The following ATAD2B variants were observed in gnomAD, a reference collection of about 807,000 sequenced individuals.
ATAD2B encodes the protein ATPase family AAA domain containing 2B.
In ATAD2B, 40 loss-of-function variants were observed where a neutral mutation model predicts 167.6. The observed-to-expected ratio is 0.24, with a 90% CI of 0.19 to 0.31. The LOEUF is 0.31. ATAD2B is among the 10% of genes least tolerant of loss of function. The pLI is 1.00. For missense variants in ATAD2B, 1,242 were observed against 1,757.2 expected, an observed-to-expected ratio of 0.71 and a Z score of 5.24; for synonymous variants, 579 against 596.5, an observed-to-expected ratio of 0.97 and a Z score of 0.43.
intron 6 of ATAD2B, among the ~76,000 whole-genome samples, chr2:23,882,440 C>A (rs930830497): frequency 1.3e-5 from 2 of 150,410 alleles, no homozygotes; most frequent in Non-Finnish European, 3.0e-5. Context: ...AAGTGATCCA[C>A]CCGCCTCAGC....
At chr2:23,921,809 C>G (rs2150692784) in intron 1 of ATAD2B, among the ~76,000 whole-genome samples, 1 of 152,204 alleles carries the variant, frequency 6.6e-6, no homozygotes, top group East Asian at 1.9e-4. Flanking sequence ...ATATTGTACT[C>G]CATGTAAATC....
the ATAD2B span, among the ~76,000 whole-genome samples, chr2:23,709,655 G>A: frequency 9.9e-5 from 15 of 151,074 alleles, no homozygotes; most frequent in Non-Finnish European, 1.3e-4. Flanking sequence ...AAAAAAAATC[G>A]GAAGGTGGTG....
the ATAD2B span, chr2:23,695,889 C>T: frequency 6.5e-7 from 1 of 1,534,532 alleles, no homozygotes; most frequent in Admixed American, 2.0e-5. This position sits in a 1 kb window ranked among gnomAD's most constrained non-coding sequence, Gnocchi z 7.6. Context: ...CAGTGAGGTG[C>T]CAGGCACAGA....
intron 1 of ATAD2B, among the ~76,000 whole-genome samples, chr2:23,910,471 C>T (rs1288418558): frequency 1.3e-5 from 2 of 151,798 alleles, no homozygotes; most frequent in African/African-American, 4.8e-5. Flanking sequence ...AGCCACTGCG[C>T]CCGGCCTGCA....
At chr2:23,691,170 C>G in the ATAD2B span, 2,143 of 160,610 alleles carry the variant, frequency 0.013, 25 homozygotes, top group Middle Eastern at 0.037. Flanking sequence ...GGAGCGGGTT[C>G]TGGGGCAACT....
chr2:23,807,717 G>A (rs1202114668), intron 18 of ATAD2B, among the ~76,000 whole-genome samples: 1 of 150,772 alleles, frequency 6.6e-6, no homozygotes, highest in African/African-American at 2.4e-5. Context: ...TTGGGAGGCT[G>A]ACGCAGGAGA....
chr2:23,921,403 T>C (rs528883802), intron 1 of ATAD2B, among the ~76,000 whole-genome samples: 36 of 152,202 alleles, frequency 2.4e-4, no homozygotes, highest in African/African-American at 6.5e-4. Flanking sequence ...GTGCAAACAC[T>C]GGTTGGGCTT....
At chr2:23,767,849 T>A (rs1185105024) in intron 22 of ATAD2B, among the ~76,000 whole-genome samples, 2 of 146,702 alleles carry the variant, frequency 1.4e-5, no homozygotes, top group East Asian at 2.0e-4. Flanking sequence ...GCTTCTTGCA[T>A]AAAAAATGGG....
chr2:23,696,461 A>G, the ATAD2B span: 1 of 1,549,890 alleles, frequency 6.5e-7, no homozygotes, highest in Non-Finnish European at 8.7e-7. The surrounding 1 kb of genome is among the most constrained non-coding windows in gnomAD (Gnocchi z 5.5). Flanking sequence ...CGATGGGAAG[A>G]TTTACACCCT....
chr2:23,886,197 C>G (rs1198361290), intron 4 of ATAD2B, among the ~76,000 whole-genome samples: 3 of 152,104 alleles, frequency 2.0e-5, no homozygotes, highest in African/African-American at 7.2e-5. Flanking sequence ...TCATTCATCT[C>G]AGCCTCCCAA....
At chr2:23,790,922 T>C (rs994278220) in intron 19 of ATAD2B, among the ~76,000 whole-genome samples, 2 of 152,186 alleles carry the variant, frequency 1.3e-5, no homozygotes, top group African/African-American at 4.8e-5. Flanking sequence ...ACATTTCCAT[T>C]ACCCCAAAAA....
chr2:23,790,366 G>C lies in ATAD2B; in HGVS notation c.2641-1719C>G, dbSNP rs191124271. On this transcript the variant is annotated intron_variant, in intron 19 of 27. Coordinates refer to ENST00000238789, the MANE Select transcript of ATAD2B (RefSeq NM_017552.4). ...TACCAGAAATCACTTATATCAATTG[G>C]GTCTTGAAAAATAAGTAGAACTTAA... Among the ~76,000 whole-genome samples the C allele has an allele frequency of 2.0e-5, 3 of 152,108 alleles. No individual in the cohort carries two copies. The East Asian group carries it at 5.8e-4, about 29-fold the overall frequency.
chr2:23,760,523 T>G (rs1372518363), intron 24 of ATAD2B, among the ~76,000 whole-genome samples: 1 of 151,496 alleles, frequency 6.6e-6, no homozygotes, highest in Non-Finnish European at 1.5e-5. Flanking sequence ...ATGAGCCAGG[T>G]GTGCTGGCAG....
Position 23,751,901 on chromosome 2 carries a change from C to A in ATAD2B, c.*145G>T. ...TTTCAGGTACCTGAGACAATAGCAC[C>A]AAATTCAACAGAGAGAAAGAATGAG... On this transcript the variant is annotated 3_prime_UTR_variant, in exon 28 of 28. Transcript: ENST00000238789. 1.5e-6 allele frequency: 1 copy of A among 689,408 alleles called. No homozygotes were observed. The allele number at this position is 689,408 out of a possible 1,614,324, so 42.7% of individuals were successfully genotyped here. A position where few individuals can be genotyped will look rare whatever the true frequency, so the allele number is the denominator to read the frequency against.
chr2:23,825,730 T>C (rs1299690424), intron 15 of ATAD2B, among the ~76,000 whole-genome samples: 1 of 152,166 alleles, frequency 6.6e-6, no homozygotes, highest in East Asian at 1.9e-4. Flanking sequence ...TTAATGAACA[T>C]ATTATATGGT....
At chr2:23,688,117 G>C in the ATAD2B span, among the ~76,000 whole-genome samples, 1 of 152,150 alleles carries the variant, frequency 6.6e-6, no homozygotes, top group Non-Finnish European at 1.5e-5. Context: ...CAGATAACGA[G>C]ACTCCCATGT....
chr2:23,807,988 T>G (rs1224187992), intron 18 of ATAD2B, among the ~76,000 whole-genome samples: 1 of 128,120 alleles, frequency 7.8e-6, no homozygotes, highest in East Asian at 2.0e-4. Context: ...TATTTATATA[T>G]AAATTTAGCA....
intron 27 of ATAD2B, among the ~76,000 whole-genome samples, chr2:23,752,474 AATATTT>A (rs1345082133): frequency 4.7e-5 from 7 of 149,852 alleles, no homozygotes; most frequent in Admixed American, 2.0e-4. Context: ...AATATAAGTA[AATATTT>A]ATATTTATAT....
At chr2:23,900,869 T>C (rs1311039114) in intron 1 of ATAD2B, 2 of 152,488 alleles carry the variant, frequency 1.3e-5, no homozygotes, top group Admixed American at 6.5e-5. Flanking sequence ...TCATATGGTG[T>C]TGCACAAGTA....
Sources: gnomAD v4.1 joint callset for allele counts (sites outside exome capture counted in the v4.1 genomes callset) on GRCh38, gnomAD v4.1.1 for gene constraint, Gnocchi (gnomAD v3.1) non-coding constraint, MANE v1.5 for transcripts, NCBI Gene and HGNC (gene_info 2026-07-23, HGNC 2026-07-21) for gene names.